The following ZNF491 variants were observed in gnomAD, a reference collection of about 807,000 sequenced individuals.
ZNF491 encodes the protein zinc finger protein 491.
Under a neutral mutation model 34.7 loss-of-function variants are expected in ZNF491, and 22 were observed. The observed-to-expected ratio is 0.63, with a 90% CI of 0.45 to 0.90. The LOEUF (loss-of-function observed/expected upper bound fraction) is 0.90. Ranked by LOEUF, ZNF491 falls within the 40% of genes least tolerant of loss-of-function variation. The pLI is 0.00. For missense variants in ZNF491, 559 were observed against 531.7 expected, an observed-to-expected ratio of 1.05 and a Z score of -0.51; for synonymous variants, 148 against 174.3, an observed-to-expected ratio of 0.85 and a Z score of 1.19.
chr19:11,805,811 C>A, intron 2 of ZNF491, 136 bp from the exon 3 acceptor site: 1 of 706,016 alleles, frequency 1.4e-6, no homozygotes, highest in Non-Finnish European at 2.3e-6. Flanking sequence ...CACACCACTG[C>A]ACTCCAGCCT....
At chr19:11,800,245 C>T (rs1210609032) in intron 1 of ZNF491, among the ~76,000 whole-genome samples, 1 of 152,146 alleles carries the variant, frequency 6.6e-6, no homozygotes, top group African/African-American at 2.4e-5. Context: ...AAGAGGGGGG[C>T]TCTGAGGAGC....
intron 1 of ZNF491, among the ~76,000 whole-genome samples, chr19:11,800,963 G>A (rs78550201): frequency 2.1e-4 from 32 of 151,944 alleles, no homozygotes; most frequent in African/African-American, 7.5e-4. Context: ...CTTGAGCCCC[G>A]AAGATCCAAG....
Position 11,807,367 on chromosome 19 carries a change from T to C in ZNF491, c.*100T>C. On this transcript the variant is annotated 3_prime_UTR_variant, in exon 3 of 3. Coordinates refer to ENST00000323169, the MANE Select transcript of ZNF491 (RefSeq NM_152356.4). The stretch of plus-strand genomic sequence containing the variant: ...CCTGGCCTCAAGCATCCCTCCCAGC[T>C]TGAAGTGTCAATAAAGGAAGGCAAT... 1.2e-6 allele frequency: 1 copy of C among 818,386 alleles called. No homozygotes were observed. The highest frequency in any genetic ancestry group is 1.8e-6 in the Non-Finnish European group (1 of 550,392). The allele number at this position is 818,386 out of a possible 1,614,324, so 50.7% of individuals were successfully genotyped here. A position where few individuals can be genotyped will look rare whatever the true frequency, so the allele number is the denominator to read the frequency against.
Position 11,807,409 on chromosome 19 carries a change from G to A in ZNF491, c.*142G>A. On this transcript the variant is annotated 3_prime_UTR_variant, in exon 3 of 3. Transcript: ENST00000323169. The stretch of plus-strand genomic sequence containing the variant: ...GAAGGCAATAAAATGTAGAGATGGA[G>A]TTAGGTGATGCCACGCTGGGATTCA... 1.7e-6 allele frequency: 1 copy of A among 579,634 alleles called. No individual in the cohort carries two copies. Among genetic ancestry groups the A allele is most frequent in the Non-Finnish European group, 2.9e-6 (1 of 346,514 alleles). 35.9% of individuals were successfully genotyped at this position (579,634 alleles called of 1,614,324 possible).
Position 11,806,468 on chromosome 19 carries a change from G to A in ZNF491, c.515G>A (p.Ser172Asn). 3.1e-6 allele frequency: 5 copies of A among 1,613,694 alleles called. No homozygotes were observed. The highest frequency in any genetic ancestry group is 1.7e-5 in the Admixed American group (1 of 59,950). Residue 172 changes from serine to asparagine, a missense_variant, in exon 3 of 3, where the codon AGT becomes AAT. Physicochemically the swap from Ser to Asn is conservative, Grantham distance 46 (BLOSUM62 1). Transcript: ENST00000323169. The part of the protein sequence containing the change: ...KQCGKAFSWH[S>N]SVRIHERTHT... The stretch of plus-strand genomic sequence containing the variant: ...TGTGGTAAAGCCTTCAGTTGGCACA[G>A]TTCTGTTCGAATCCATGAAAGAACT...
chr19:11,807,116 G>C lies in ZNF491; in HGVS notation c.1163G>C (p.Cys388Ser). 6.2e-7 allele frequency: 1 copy of C among 1,612,484 alleles called. No individual in the cohort carries two copies. The highest frequency in any genetic ancestry group is 8.5e-7 in the Non-Finnish European group (1 of 1,179,442). Residue 388 changes from cysteine (C) to serine (S), a missense_variant, in exon 3 of 3, where the codon TGT (cysteine) becomes TCT (serine). By Grantham distance (112) the Cys-to-Ser change is moderately radical. Coordinates refer to ENST00000323169, the MANE Select transcript of ZNF491 (RefSeq NM_152356.4). ...AGEKPYECKH[C>S]GKAFTCSIYI... ...GAAAAACCTTATGAATGTAAGCATTGTGGGAAAGCCTTCACTTGTTCCATA... is the reference window on the plus strand; with the variant it reads ...GAAAAACCTTATGAATGTAAGCATTCTGGGAAAGCCTTCACTTGTTCCATA...
Position 11,804,661 on chromosome 19 carries a change from T to G in ZNF491, c.-14T>G. The G allele has an allele frequency of 7.3e-7, 1 of 1,379,182 alleles. No homozygotes were observed. The highest frequency in any genetic ancestry group is 9.5e-7 in the Non-Finnish European group (1 of 1,047,208). The allele number at this position is 1,379,182 out of a possible 1,614,324, so 85.4% of individuals were successfully genotyped here. ...GCAGGAAACCTTCACGAACCTCATC[T>G]GTATAGGTAGGGGTGACAATATTAC... On this transcript the variant is annotated 5_prime_UTR_variant, in exon 2 of 3. Transcript: ENST00000323169.
chr19:11,807,065 A>G lies in ZNF491; in HGVS notation c.1112A>G (p.His371Arg). 1 of 1,608,654 alleles carries G rather than the reference A, an allele frequency of 6.2e-7. No individual in the cohort carries two copies. The highest frequency in any genetic ancestry group is 8.5e-7 in the Non-Finnish European group (1 of 1,178,184). ...GCATTTCATTGTGTCAGCTCCTTTC[A>G]TAGACATGAAAGGACTCACGCTGGA... Reference protein sequence around the residue: ...GKAFHCVSSFHRHERTHAGEK... With the variant: ...GKAFHCVSSFRRHERTHAGEK... Residue 371 changes from histidine (H) to arginine (R), a missense_variant, in exon 3 of 3, where the codon CAT becomes CGT. Coordinates refer to ENST00000323169, the MANE Select transcript of ZNF491 (RefSeq NM_152356.4).
rs745896290 is a variant in ZNF491 at position 11,807,268 on chromosome 19, G to A, written c.*1G>A. 4.0e-6 allele frequency: 6 copies of A among 1,509,414 alleles called. No individual in the cohort carries two copies. Among genetic ancestry groups the A allele is most frequent in the Non-Finnish European group, 2.7e-6 (3 of 1,132,056 alleles). The allele number at this position is 1,509,414 out of a possible 1,614,324, so 93.5% of individuals were successfully genotyped here. ...AAGAACTCACACTATTAATATATGAGAGAAATGCTATTTTTTAATTTTTAT... is the reference window on the plus strand; with the variant it reads ...AAGAACTCACACTATTAATATATGAAAGAAATGCTATTTTTTAATTTTTAT... On this transcript the variant is annotated 3_prime_UTR_variant, in exon 3 of 3. Coordinates refer to ENST00000323169, the MANE Select transcript of ZNF491 (RefSeq NM_152356.4).
At chr19:11,801,108 G>A (rs566522106) in intron 1 of ZNF491, among the ~76,000 whole-genome samples, 1 of 152,274 alleles carries the variant, frequency 6.6e-6, no homozygotes, top group East Asian at 1.9e-4. Context: ...GCAGGCCGAG[G>A]TGGGAGGATC....
Position 11,806,576 on chromosome 19 carries a change from C to T in ZNF491, c.623C>T (p.Thr208Ile). 1 of 1,614,050 alleles carries T rather than the reference C, an allele frequency of 6.2e-7. No homozygotes were observed. Among genetic ancestry groups the T allele is most frequent in the African/African-American group, 1.3e-5 (1 of 75,014 alleles). Residue 208 changes from threonine to isoleucine, a missense_variant, in exon 3 of 3, where the codon ACA (threonine) becomes ATA (isoleucine). Physicochemically the swap from Thr to Ile is moderately conservative, Grantham distance 89 (BLOSUM62 -1). Transcript: ENST00000323169. ...AGTTCCTTTCGCAGACATGAAAGGA[C>T]ACACACAGGAGAGAAGCCGTACAAA... ...FSSSFRRHER[T>I]HTGEKPYKCK...
chr19:11,807,391 A>G lies in ZNF491; in HGVS notation c.*124A>G. 1 of 679,268 alleles carries G rather than the reference A, an allele frequency of 1.5e-6. No homozygotes were observed. Among genetic ancestry groups the G allele is most frequent in the Admixed American group, 3.4e-5 (1 of 29,312 alleles). The allele number at this position is 679,268 out of a possible 1,614,324, so 42.1% of individuals were successfully genotyped here. Reference sequence around the variant, plus strand: ...CTTGAAGTGTCAATAAAGGAAGGCAATAAAATGTAGAGATGGAGTTAGGTG... The same window carrying G: ...CTTGAAGTGTCAATAAAGGAAGGCAGTAAAATGTAGAGATGGAGTTAGGTG... On this transcript the variant is annotated 3_prime_UTR_variant, in exon 3 of 3. Transcript: ENST00000323169.
rs772015572 is a variant in ZNF491 at position 11,806,201 on chromosome 19, C to G, written c.248C>G (p.Ala83Gly). 1 of 1,614,062 alleles carries G rather than the reference C, an allele frequency of 6.2e-7. No homozygotes were observed. Among genetic ancestry groups the G allele is most frequent in the South Asian group, 1.1e-5 (1 of 91,066 alleles). ...KPYKHKQRRKALSHSHCFRTH... is the reference protein window; with the variant it reads ...KPYKHKQRRKGLSHSHCFRTH... ...TATAAACATAAACAACGTAGGAAAG[C>G]CTTGAGCCATAGCCACTGCTTTCGA... Residue 83 changes from alanine (A) to glycine (G), a missense_variant, in exon 3 of 3, where the codon GCC becomes GGC. Ala to Gly is a moderately conservative substitution (Grantham distance 60, BLOSUM62 0). Coordinates refer to ENST00000323169, the MANE Select transcript of ZNF491 (RefSeq NM_152356.4).
Position 11,806,891 on chromosome 19 carries a change from C to G in ZNF491, c.938C>G (p.Ser313Trp). 2 of 1,608,666 alleles carry G rather than the reference C, an allele frequency of 1.2e-6. No individual in the cohort carries two copies. Among genetic ancestry groups the G allele is most frequent in the Non-Finnish European group, 1.7e-6 (2 of 1,178,166 alleles). The change falls in exon 3 of 3, where the codon TCG becomes TGG. Residue 313 changes from serine to tryptophan, a missense_variant. Transcript: ENST00000323169. ...GGGAAAGCCTTCACTTGTTCCACTT[C>G]GTTTCAATATCATGAAAGGACTCAC... is the stretch of plus-strand genomic sequence containing the variant. ...QCGKAFTCST[S>W]FQYHERTHTG...
rs1975631124 is a variant in ZNF491, at chr19:11,807,403, G to C, written c.*136G>C. ...ATAAAGGAAGGCAATAAAATGTAGAGATGGAGTTAGGTGATGCCACGCTGG... is the reference window on the plus strand; with the variant it reads ...ATAAAGGAAGGCAATAAAATGTAGACATGGAGTTAGGTGATGCCACGCTGG... On this transcript the variant is annotated 3_prime_UTR_variant, in exon 3 of 3. Coordinates refer to ENST00000323169, the MANE Select transcript of ZNF491 (RefSeq NM_152356.4). 1 of 627,394 alleles carries C rather than the reference G, an allele frequency of 1.6e-6. No homozygotes were observed. Among genetic ancestry groups the C allele is most frequent in the Admixed American group, 3.5e-5 (1 of 28,806 alleles). 38.9% of individuals were successfully genotyped at this position (627,394 alleles called of 1,614,324 possible).
intron 2 of ZNF491, 32 bp from the exon 3 acceptor site, chr19:11,805,915 A>G: frequency 2.0e-6 from 3 of 1,467,488 alleles, no homozygotes; most frequent in Non-Finnish European, 2.8e-6. Flanking sequence ...TTATAAACAG[A>G]CCCTTAATTA....
At position 11,806,415 on chromosome 19, in the gene ZNF491, T is replaced by C. The variant is rs1248119923; in HGVS notation, c.462T>C (p.Thr154=). ...SLYLTHERTH[T]GEKRYECKQC... ...ACCTTACCCATGAACGAACTCACAC[T>C]GGAGAGAAACGATATGAATGTAAAC... The change falls in exon 3 of 3, where the codon ACT becomes ACC. Residue 154 remains threonine, a synonymous_variant. Transcript: ENST00000323169. The C allele has an allele frequency of 1.1e-5, 18 of 1,613,256 alleles. No individual in the cohort carries two copies. The highest frequency in any genetic ancestry group is 3.3e-5 in the South Asian group (3 of 90,944).
In ZNF491 at chr19:11,798,726, T is replaced by C. The variant is rs1458613980; in HGVS notation, c.-135T>C. On this transcript the variant is annotated splice_region_variant and 5_prime_UTR_variant, in exon 1 of 3. The change abolishes an upstream ATG in the 5' untranslated region. Transcript: ENST00000323169. This position sits in a 1 kb window ranked among gnomAD's most constrained non-coding sequence, Gnocchi z 4.0. The stretch of plus-strand genomic sequence containing the variant: ...GCCGGGACACCAAGAAGCAGGGAAA[T>C]GGTAAAGTGCCCGGCCTAGCGTCCA... 6.6e-6 allele frequency: 1 copy of C among 152,100 alleles called. No homozygotes were observed. The highest frequency in any genetic ancestry group is 1.5e-5 in the Non-Finnish European group (1 of 68,100). 9.4% of individuals were successfully genotyped at this position (152,100 alleles called of 1,614,324 possible). A position where few individuals can be genotyped will look rare whatever the true frequency, so the allele number is the denominator to read the frequency against.
rs200219612 is a variant in ZNF491 at position 11,806,224 on chromosome 19, C to T, written c.271C>T (p.Arg91Ter). ...AGCCTTGAGCCATAGCCACTGCTTTCGAACACATGAAAGGCCTCACACTAG... is the reference window on the plus strand; with the variant it reads ...AGCCTTGAGCCATAGCCACTGCTTTTGAACACATGAAAGGCCTCACACTAG... Reference protein sequence around the residue: ...RKALSHSHCFRTHERPHTREK... With the variant: ...RKALSHSHCF Residue 91 changes from arginine (R) to a stop codon, truncating the protein, a stop_gained, in exon 3 of 3, where the codon CGA becomes TGA. Coordinates refer to ENST00000323169, the MANE Select transcript of ZNF491 (RefSeq NM_152356.4). LOFTEE classifies it high-confidence loss of function. 1.3e-4 allele frequency: 215 copies of T among 1,613,402 alleles called. No homozygotes were observed. Among genetic ancestry groups the T allele is most frequent in the Non-Finnish European group, 1.7e-4 (195 of 1,179,840 alleles).
Sources: gnomAD v4.1 joint callset for allele counts (sites outside exome capture counted in the v4.1 genomes callset) on GRCh38, gnomAD v4.1.1 for gene constraint, Gnocchi (gnomAD v3.1) non-coding constraint, MANE v1.5 for transcripts, NCBI Gene and HGNC (gene_info 2026-07-23, HGNC 2026-07-21) for gene names.